NCKAP5: variants seen among roughly 807,000 people sequenced by gnomAD.
NCKAP5 encodes nck-associated protein 5.
NCKAP5 carries 92 observed loss-of-function variants against 167.0 expected under a neutral mutation model. That is an observed-to-expected ratio of 0.55 (90% confidence interval 0.47 to 0.66). NCKAP5 has a LOEUF of 0.66. NCKAP5 is among the 30% of genes least tolerant of loss of function. NCKAP5 has a pLI of 0.00. For missense variants in NCKAP5, 2,378 were observed against 2,315.0 expected, an observed-to-expected ratio of 1.03 and a Z score of -0.56; for synonymous variants, 891 against 877.4, an observed-to-expected ratio of 1.02 and a Z score of -0.27.
chr2:132,696,696 T>C (rs1307721255), intron 19 of NCKAP5, among the ~76,000 whole-genome samples: 2 of 152,066 alleles, frequency 1.3e-5, no homozygotes, highest in Non-Finnish European at 2.9e-5. Flanking sequence ...TTAAAAAAGC[T>C]CTCAGAATTT....
At chr2:132,696,658 A>G (rs965852496) in intron 19 of NCKAP5, among the ~76,000 whole-genome samples, 1 of 152,158 alleles carries the variant, frequency 6.6e-6, no homozygotes, top group Non-Finnish European at 1.5e-5. Context: ...ATCATCGTAC[A>G]TGATTCACTG....
At chr2:133,618,610 A>G in the NCKAP5 span, among the ~76,000 whole-genome samples, 2 of 152,106 alleles carry the variant, frequency 1.3e-5, no homozygotes, top group Non-Finnish European at 2.9e-5. Flanking sequence ...ATGAGATACC[A>G]TCTCATACCA....
At chr2:132,679,357 C>T (rs948078982) in intron 19 of NCKAP5, among the ~76,000 whole-genome samples, 28 of 152,082 alleles carry the variant, frequency 1.8e-4, no homozygotes, top group Non-Finnish European at 2.1e-4. Context: ...GTCCCTCATT[C>T]CCTGGGAGAA....
At chr2:133,318,742 C>T (rs1371644071) in intron 3 of NCKAP5, among the ~76,000 whole-genome samples, 2 of 152,128 alleles carry the variant, frequency 1.3e-5, no homozygotes. Flanking sequence ...CCAGTCCATC[C>T]CTGGAAGAGC....
At chr2:133,278,716 C>T (rs1201098144) in intron 4 of NCKAP5, among the ~76,000 whole-genome samples, 2 of 147,968 alleles carry the variant, frequency 1.4e-5, no homozygotes, top group Non-Finnish European at 3.0e-5. Context: ...TGAAAGACGT[C>T]TGACAAAATG....
At chr2:132,724,192 A>G (rs571153442) in intron 19 of NCKAP5, among the ~76,000 whole-genome samples, 1 of 151,830 alleles carries the variant, frequency 6.6e-6, no homozygotes, top group Non-Finnish European at 1.5e-5. Context: ...TTCCACTTCA[A>G]TTTCAACTTC....
At chr2:132,713,625 A>G (rs1402474141) in intron 19 of NCKAP5, among the ~76,000 whole-genome samples, 1 of 152,196 alleles carries the variant, frequency 6.6e-6, no homozygotes, top group Non-Finnish European at 1.5e-5. Context: ...AAAACTCAGG[A>G]AGACACCAGG....
chr2:133,477,221 C>T (rs1679997636), intron 3 of NCKAP5, among the ~76,000 whole-genome samples: 1 of 152,182 alleles, frequency 6.6e-6, no homozygotes, highest in Non-Finnish European at 1.5e-5. Context: ...GAACATTGAC[C>T]TTGAGCCCAG....
intron 3 of NCKAP5, among the ~76,000 whole-genome samples, chr2:133,474,629 T>C (rs1679714153): frequency 6.6e-6 from 1 of 152,182 alleles, no homozygotes; most frequent in South Asian, 2.1e-4. Context: ...ATGTTACATA[T>C]ATAAAAACAT....
At chr2:133,565,622 TC>T (rs1688491232) in intron 1 of NCKAP5, among the ~76,000 whole-genome samples, 1 of 151,988 alleles carries the variant, frequency 6.6e-6, no homozygotes, top group Non-Finnish European at 1.5e-5. Context: ...AGGCCCAGAA[TC>T]CCCAAGACAG....
chr2:133,501,112 T>C (rs910307807), intron 3 of NCKAP5, among the ~76,000 whole-genome samples: 48 of 152,280 alleles, frequency 3.2e-4, no homozygotes, highest in African/African-American at 1.0e-3. Flanking sequence ...GACAAGAAGG[T>C]ACAGCTGAAA....
At chr2:133,546,659 AAAAACAAAAC>A (rs751766870) in intron 2 of NCKAP5, among the ~76,000 whole-genome samples, 47 of 152,276 alleles carry the variant, frequency 3.1e-4, no homozygotes, top group East Asian at 1.9e-4. Context: ...ACCAGCAGGC[AAAAACAAAAC>A]AAAACAAAAC....
In NCKAP5 at chr2:133,205,291, TTAGA is replaced by T. The variant is rs36008566; in HGVS notation, c.207+8421_207+8424del. Among the ~76,000 whole-genome samples, 49 of 149,768 alleles carry T rather than the reference TTAGA, an allele frequency of 3.3e-4. 1 individual carries two copies. Among genetic ancestry groups the T allele is most frequent in the South Asian group, 2.8e-3 (13 of 4,698 alleles). ...TGGGTAACACAGCCAGACTCTGAAA[TTAGA>T]TAGATAGATAGATAGATAGATAGAC... On this transcript the variant is annotated intron_variant, in intron 5 of 19. Transcript: ENST00000409261.
At chr2:133,630,310 A>G in the NCKAP5 span, among the ~76,000 whole-genome samples, 2 of 152,234 alleles carry the variant, frequency 1.3e-5, 1 homozygote, top group South Asian at 4.1e-4. Flanking sequence ...ATACAGGAAC[A>G]TGGGGACACA....
chr2:133,521,325 T>C (rs773261267), intron 2 of NCKAP5, among the ~76,000 whole-genome samples: 8 of 152,250 alleles, frequency 5.3e-5, no homozygotes, highest in Admixed American at 1.3e-4. Flanking sequence ...GTATCACTTA[T>C]AGAAGAAGAA....
intron 6 of NCKAP5, among the ~76,000 whole-genome samples, chr2:133,102,181 C>G (rs181168825): frequency 1.4e-3 from 215 of 152,192 alleles, no homozygotes; most frequent in Middle Eastern, 3.4e-3. Context: ...GAGTCTCCCT[C>G]TGTCACCCAG....
intron 4 of NCKAP5, among the ~76,000 whole-genome samples, chr2:133,291,265 T>C (rs1257573875): frequency 6.6e-6 from 1 of 152,194 alleles, no homozygotes; most frequent in East Asian, 1.9e-4. Flanking sequence ...ATACAAAACA[T>C]GCTCTCATGA....
intron 1 of NCKAP5, among the ~76,000 whole-genome samples, chr2:133,563,830 A>T (rs1688354388): frequency 6.6e-6 from 1 of 152,072 alleles, no homozygotes; most frequent in South Asian, 2.1e-4. Context: ...GTAAAATGAA[A>T]GGTTAAGAGT....
At chr2:133,528,125 G>T (rs534345757) in intron 2 of NCKAP5, among the ~76,000 whole-genome samples, 34 of 151,914 alleles carry the variant, frequency 2.2e-4, no homozygotes, top group Non-Finnish European at 7.4e-5. Flanking sequence ...CCACTAAAAT[G>T]GATAGCTAGA....
Sources: gnomAD v4.1 joint callset for allele counts (sites outside exome capture counted in the v4.1 genomes callset) on GRCh38, gnomAD v4.1.1 for gene constraint, MANE v1.5 for transcripts, NCBI Gene and HGNC (gene_info 2026-07-23, HGNC 2026-07-21) for gene names.